The following PTPRK variants were observed in gnomAD, a reference collection of about 807,000 sequenced individuals.
PTPRK encodes protein tyrosine phosphatase receptor type K, also known as receptor-type tyrosine-protein phosphatase kappa.
In PTPRK, 75 loss-of-function variants were observed where a neutral mutation model predicts 178.0. That is an observed-to-expected ratio of 0.42 (90% confidence interval 0.35 to 0.51). PTPRK has a LOEUF of 0.51. Among genes scored for constraint, PTPRK ranks in the 20% least tolerant of loss-of-function variants. The pLI, the probability that PTPRK is intolerant of heterozygous loss-of-function variation, is 0.02. For synonymous variants in PTPRK, 637 were observed against 620.6 expected, an observed-to-expected ratio of 1.03 and a Z score of -0.39; for missense variants, 1,441 against 1,797.8, an observed-to-expected ratio of 0.80 and a Z score of 3.59.
At chr6:128,274,899 G>A (rs1820472727) in intron 3 of PTPRK, among the ~76,000 whole-genome samples, 1 of 151,930 alleles carries the variant, frequency 6.6e-6, no homozygotes. Context: ...TTTTGGTGCT[G>A]GTGAGGTCTG....
intron 13 of PTPRK, among the ~76,000 whole-genome samples, chr6:128,034,978 C>G (rs767435515): frequency 1.3e-5 from 2 of 152,180 alleles, no homozygotes; most frequent in Non-Finnish European, 1.5e-5. Context: ...TTGCAAACTA[C>G]TTAGTTTACA....
chr6:128,101,576 T>C (rs1021565340), intron 7 of PTPRK, among the ~76,000 whole-genome samples: 3 of 152,284 alleles, frequency 2.0e-5, no homozygotes, highest in South Asian at 4.1e-4. Context: ...TTAATATTCA[T>C]AGTGTATTTT....
At chr6:128,096,480 T>C (rs758980662) in intron 7 of PTPRK, among the ~76,000 whole-genome samples, 25 of 151,974 alleles carry the variant, frequency 1.6e-4, no homozygotes, top group Admixed American at 6.6e-5. Flanking sequence ...TCTGAAAGAG[T>C]TGTGAAAACA....
intron 2 of PTPRK, among the ~76,000 whole-genome samples, chr6:128,347,242 CAAGGGG>C (rs1156768981): frequency 6.6e-6 from 1 of 152,076 alleles, no homozygotes; most frequent in African/African-American, 2.4e-5. Flanking sequence ...TCAGAGGGAA[CAAGGGG>C]AAGACAAGTG....
At chr6:128,353,739 C>T (rs143293010) in intron 2 of PTPRK, among the ~76,000 whole-genome samples, 5 of 152,156 alleles carry the variant, frequency 3.3e-5, no homozygotes, top group African/African-American at 7.2e-5. Context: ...GCTGTGTCTA[C>T]GAAAAGGTAG....
chr6:128,334,757 AATCTCCCCC>A, intron 2 of PTPRK, among the ~76,000 whole-genome samples: 1 of 152,150 alleles, frequency 6.6e-6, no homozygotes, highest in Non-Finnish European at 1.5e-5. Flanking sequence ...GGAAAAATAT[AATCTCCCCC>A]ATCACCCAAA....
intron 18 of PTPRK, 108 bp downstream of exon 18, chr6:127,995,354 T>A (rs569362384): frequency 6.5e-7 from 1 of 1,532,842 alleles, no homozygotes; most frequent in Non-Finnish European, 9.0e-7. Flanking sequence ...GTGTACAGTT[T>A]GTACTTTTAT....
At chr6:128,103,199 G>A (rs1040878556) in intron 7 of PTPRK, among the ~76,000 whole-genome samples, 1 of 152,024 alleles carries the variant, frequency 6.6e-6, no homozygotes, top group East Asian at 1.9e-4. Flanking sequence ...GAGATCAGCC[G>A]TGAAACAGCC....
intron 3 of PTPRK, among the ~76,000 whole-genome samples, chr6:128,316,092 A>C (rs1827957664): frequency 6.6e-6 from 1 of 152,252 alleles, no homozygotes; most frequent in Non-Finnish European, 1.5e-5. Context: ...CAGAAACATC[A>C]TTAAACTGAT....
chr6:128,395,415 A>G (rs1462744785), intron 2 of PTPRK, among the ~76,000 whole-genome samples: 1 of 152,188 alleles, frequency 6.6e-6, no homozygotes, highest in Non-Finnish European at 1.5e-5. Flanking sequence ...TAAGCTGTTC[A>G]TCAAAGGTGA....
chr6:128,024,975 T>C (rs1368125790), intron 13 of PTPRK, among the ~76,000 whole-genome samples: 1 of 152,214 alleles, frequency 6.6e-6, no homozygotes, highest in East Asian at 1.9e-4. Flanking sequence ...AGAATGTAAA[T>C]TGTAATATTT....
chr6:128,474,299 T>C (rs1446375923), intron 1 of PTPRK, among the ~76,000 whole-genome samples: 1 of 151,672 alleles, frequency 6.6e-6, no homozygotes, highest in Admixed American at 6.6e-5. Context: ...AGATGAAGGG[T>C]TCTCATATGA....
In PTPRK at chr6:128,009,216, G is replaced by C; in HGVS notation, c.2247C>G (p.Asp749Glu). The C allele has an allele frequency of 6.2e-7, 1 of 1,608,686 alleles. No individual in the cohort carries two copies. Among genetic ancestry groups the C allele is most frequent in the Non-Finnish European group, 8.5e-7 (1 of 1,176,812 alleles). The change falls in exon 14 of 30, where the codon GAC becomes GAG. Residue 749 changes from aspartate (D) to glutamate (E), a missense_variant. Around this residue, in one of 4 missense-constraint regions of PTPRK, gnomAD observed 945 missense variants for 1,080.6 expected, o/e 0.87. Transcript: ENST00000368226. Reference sequence around the variant, plus strand: ...TAATTCCTGCTATTTTCACCACTCTGTCTGTCTGCTTGGCGGGATCTGGGA... The same window carrying C: ...TAATTCCTGCTATTTTCACCACTCTCTCTGTCTGCTTGGCGGGATCTGGGA... ...EVIPDPAKQT[D>E]RVVKIAGISA...
chr6:128,177,625 T>C (rs1307029892), intron 7 of PTPRK, among the ~76,000 whole-genome samples: 1 of 151,816 alleles, frequency 6.6e-6, no homozygotes, highest in African/African-American at 2.4e-5. Flanking sequence ...CTGCTACTGA[T>C]GATACCACCT....
intron 3 of PTPRK, among the ~76,000 whole-genome samples, chr6:128,256,297 C>A (rs1817294950): frequency 6.6e-6 from 1 of 152,096 alleles, no homozygotes; most frequent in Non-Finnish European, 1.5e-5. Context: ...CTTCATTAAC[C>A]CAGCACTTAG....
At chr6:128,024,582 G>T (rs1774001735) in intron 13 of PTPRK, among the ~76,000 whole-genome samples, 1 of 152,128 alleles carries the variant, frequency 6.6e-6, no homozygotes, top group Non-Finnish European at 1.5e-5. Flanking sequence ...GCTGAGGCAG[G>T]CAGATCACTT....
intron 16 of PTPRK, among the ~76,000 whole-genome samples, chr6:127,998,234 T>C (rs1777392480): frequency 6.6e-6 from 1 of 151,998 alleles, no homozygotes; most frequent in Non-Finnish European, 1.5e-5. Context: ...TCAGCCACCC[T>C]CAACCAATAA....
At chr6:128,510,305 G>C (rs1856980646) in intron 1 of PTPRK, among the ~76,000 whole-genome samples, 1 of 152,210 alleles carries the variant, frequency 6.6e-6, no homozygotes, top group Non-Finnish European at 1.5e-5. Context: ...ATGTGATTAA[G>C]ACAGCCTGGG....
chr6:128,039,360 C>T (rs970363), intron 13 of PTPRK, among the ~76,000 whole-genome samples: 38,349 of 151,970 alleles, frequency 0.25, 7,052 homozygotes, highest in African/African-American at 0.52. Context: ...TTTTTCTATA[C>T]TCAGGTAGAC....
Sources: gnomAD v4.1 joint callset for allele counts (sites outside exome capture counted in the v4.1 genomes callset) on GRCh38, gnomAD v4.1.1 for gene constraint, gnomAD v4.1.1 regional missense constraint, MANE v1.5 for transcripts, NCBI Gene and HGNC (gene_info 2026-07-23, HGNC 2026-07-21) for gene names.